Variants in DAOA observed in about 807,000 individuals in gnomAD.
The protein encoded by DAOA is D-amino acid oxidase regulator.
DAOA carries 15 observed loss-of-function variants against 16.4 expected under a neutral mutation model. The observed-to-expected ratio is 0.91, with a 90% CI of 0.61 to 1.41. DAOA has a LOEUF of 1.41. Among genes scored for constraint, DAOA ranks in the 40% most tolerant of loss-of-function variants. DAOA has a pLI of 0.00. For synonymous variants in DAOA, 75 were observed against 59.1 expected, an observed-to-expected ratio of 1.27 and a Z score of -1.23; for missense variants, 230 against 176.8, an observed-to-expected ratio of 1.30 and a Z score of -1.71.
At chr13:105,472,899 A>T (rs960748081) in intron 4 of DAOA, among the ~76,000 whole-genome samples, 9 of 152,110 alleles carry the variant, frequency 5.9e-5, no homozygotes, top group Admixed American at 5.2e-4. Flanking sequence ...TTCATGCAGT[A>T]GTTTTTCTTG....
intron 4 of DAOA, among the ~76,000 whole-genome samples, chr13:105,485,032 T>C (rs1878015664): frequency 6.6e-6 from 1 of 152,200 alleles, no homozygotes; most frequent in African/African-American, 2.4e-5. Context: ...AGGGTTAGTC[T>C]GGTCCTTTTT....
chr13:105,470,876 C>A (rs945192190), intron 3 of DAOA, among the ~76,000 whole-genome samples: 1 of 152,072 alleles, frequency 6.6e-6, no homozygotes, highest in African/African-American at 2.4e-5. Flanking sequence ...CTGCAAGCTC[C>A]GCCTCCCGGG....
chr13:105,489,302 G>C (rs1210347484), intron 4 of DAOA, among the ~76,000 whole-genome samples: 2 of 152,154 alleles, frequency 1.3e-5, no homozygotes, highest in East Asian at 3.9e-4. Flanking sequence ...TTCTTTAGCT[G>C]TGTGACCCTG....
chr13:105,479,712 A>G (rs1877575096), intron 4 of DAOA, among the ~76,000 whole-genome samples: 1 of 152,156 alleles, frequency 6.6e-6, no homozygotes, highest in African/African-American at 2.4e-5. Context: ...AAGTACATCC[A>G]CAATGACCCT....
chr13:105,467,287 G>T (rs1876592298), intron 3 of DAOA, 146 bp downstream of exon 3: 1 of 882,604 alleles, frequency 1.1e-6, no homozygotes, highest in African/African-American at 1.7e-5. Flanking sequence ...AATTTTTCCA[G>T]TTAAAATGTA....
intron 3 of DAOA, among the ~76,000 whole-genome samples, chr13:105,472,148 G>GT (rs1196685469): frequency 2.0e-5 from 3 of 152,212 alleles, no homozygotes; most frequent in Non-Finnish European, 2.9e-5. Context: ...TCATCGTGAG[G>GT]TTTGGAGCTT....
At position 105,490,167 on chromosome 13, in the gene DAOA, G is replaced by T. The variant is rs375731437; in HGVS notation, c.*86G>T. 2.1e-6 allele frequency: 3 copies of T among 1,430,080 alleles called. No homozygotes were observed. The highest frequency in any genetic ancestry group is 2.8e-6 in the Non-Finnish European group (3 of 1,085,320). The allele number at this position is 1,430,080 out of a possible 1,614,324, so 88.6% of individuals were successfully genotyped here. On this transcript the variant is annotated 3_prime_UTR_variant, in exon 5 of 6. Coordinates refer to ENST00000375936, the MANE Select transcript of DAOA (RefSeq NM_172370.5). ...TTCACTGGACTCTGACGGACTCTGT[G>T]TCTGGGACCCAGCTGATAACACGTG...
At chr13:105,469,048 A>T (rs998866168) in intron 3 of DAOA, among the ~76,000 whole-genome samples, 2 of 152,236 alleles carry the variant, frequency 1.3e-5, no homozygotes, top group African/African-American at 4.8e-5. Flanking sequence ...AAGACAGCAG[A>T]CATCAGTATG....
chr13:105,481,071 C>T (rs2139192304), intron 4 of DAOA, among the ~76,000 whole-genome samples: 1 of 152,314 alleles, frequency 6.6e-6, no homozygotes, highest in East Asian at 1.9e-4. Context: ...TGAGCAAGTT[C>T]TCCACATGTT....
At chr13:105,484,355 C>A (rs1025454115) in intron 4 of DAOA, among the ~76,000 whole-genome samples, 3 of 152,102 alleles carry the variant, frequency 2.0e-5, no homozygotes, top group African/African-American at 7.2e-5. Flanking sequence ...TTCAGCTTGT[C>A]AATTTCCACA....
chr13:105,467,064 C>A lies in DAOA; in HGVS notation c.56C>A (p.Thr19Lys). Residue 19 changes from threonine to lysine, a missense_variant, in exon 3 of 6, where the codon ACA becomes AAA. Coordinates refer to ENST00000375936, the MANE Select transcript of DAOA (RefSeq NM_172370.5). ...DSLQLFRSRY[T>K]LGKIYFIGFQ... ...TCTTTAATTTTTAGATCCAGATATA[C>A]ATTGGGTAAAATCTACTTCATAGGT... 1 of 1,610,202 alleles carries A rather than the reference C, an allele frequency of 6.2e-7. No individual in the cohort carries two copies. Among genetic ancestry groups the A allele is most frequent in the Non-Finnish European group, 8.5e-7 (1 of 1,177,922 alleles).
intron 2 of DAOA, among the ~76,000 whole-genome samples, 197 bp from the exon 3 acceptor site, chr13:105,466,856 A>G (rs1279982596): frequency 7.2e-6 from 1 of 139,088 alleles, no homozygotes; most frequent in East Asian, 2.2e-4. Context: ...AGCAATTTAT[A>G]AAAAAAAAAT....
intron 4 of DAOA, among the ~76,000 whole-genome samples, chr13:105,478,966 C>T (rs1233456808): frequency 3.3e-5 from 5 of 152,208 alleles, no homozygotes; most frequent in Non-Finnish European, 5.9e-5. Flanking sequence ...TTGATTATCT[C>T]ATCAATTCAT....
chr13:105,473,038 T>C (rs1411771789), intron 4 of DAOA, among the ~76,000 whole-genome samples: 1 of 152,072 alleles, frequency 6.6e-6, no homozygotes, highest in Non-Finnish European at 1.5e-5. Context: ...GTGATAATGT[T>C]GTGTCTCTCT....
At chr13:105,479,193 C>T (rs1333448651) in intron 4 of DAOA, among the ~76,000 whole-genome samples, 3 of 152,078 alleles carry the variant, frequency 2.0e-5, no homozygotes, top group Non-Finnish European at 2.9e-5. Flanking sequence ...TGTTTCTGTT[C>T]GTATTGTTTC....
At chr13:105,485,834 G>A (rs1250276350) in intron 4 of DAOA, among the ~76,000 whole-genome samples, 1 of 152,202 alleles carries the variant, frequency 6.6e-6, no homozygotes, top group African/African-American at 2.4e-5. Context: ...GAAGCTAAGA[G>A]AAGGACATTG....
chr13:105,477,612 T>G (rs1426591748), intron 4 of DAOA, among the ~76,000 whole-genome samples: 1 of 152,164 alleles, frequency 6.6e-6, no homozygotes, highest in Non-Finnish European at 1.5e-5. Context: ...TAGTCCCAGC[T>G]TCTTGGGAAG....
Position 105,466,408 on chromosome 13 carries a change from AG to A in DAOA, c.44+79del, listed in dbSNP as rs1305550488. 8 of 1,606,954 alleles carry A rather than the reference AG, an allele frequency of 5.0e-6. No homozygotes were observed. In the East Asian group the frequency reaches 1.8e-4, roughly 36 times the overall value. On this transcript the variant is annotated intron_variant, in intron 2 of 5. Transcript: ENST00000375936. ...ATTTGCATGGCAGCACAGAGCTCCCAGGGTGAATGTTCCTGGAGACAGGAAG... is the reference window on the plus strand; with the variant it reads ...ATTTGCATGGCAGCACAGAGCTCCCAGGTGAATGTTCCTGGAGACAGGAAG...
At chr13:105,489,649 A>C in intron 4 of DAOA, 1 of 822,504 alleles carries the variant, frequency 1.2e-6, no homozygotes, top group Non-Finnish European at 1.8e-6. Flanking sequence ...CAATTCCTAC[A>C]ATTCTTTATG....
Sources: allele counts gnomAD v4.1 joint callset (sites outside exome capture counted in the v4.1 genomes callset), GRCh38; gene constraint gnomAD v4.1.1; transcripts MANE v1.5; gene names NCBI Gene and HGNC (gene_info 2026-07-23, HGNC 2026-07-21).